Variants in FGF14 observed in about 807,000 individuals in gnomAD.
The protein encoded by FGF14 is fibroblast growth factor homologous factor 4.
A neutral mutation model predicts 25.5 loss-of-function variants in FGF14; 5 were observed. That is an observed-to-expected ratio of 0.20 (90% confidence interval 0.10 to 0.41). FGF14 has a LOEUF of 0.41. Among genes scored for constraint, FGF14 ranks in the 10% least tolerant of loss-of-function variants. FGF14 has a pLI of 1.00. For synonymous variants in FGF14, 138 were observed against 118.3 expected (o/e 1.17, Z -1.08); for missense variants, 222 against 320.1 (o/e 0.69, Z 2.34).
chr13:101,997,763 G>A (rs2039265499), intron 1 of FGF14, among the ~76,000 whole-genome samples: 11 of 152,180 alleles, frequency 7.2e-5, no homozygotes, highest in Admixed American at 5.9e-4. Context: ...TATTTTGGTG[G>A]CAAAATAGTA....
chr13:102,146,057 C>T (rs2140478575), intron 1 of FGF14, among the ~76,000 whole-genome samples: 1 of 152,294 alleles, frequency 6.6e-6, no homozygotes, highest in African/African-American at 2.4e-5. Context: ...GACAATTACC[C>T]AGGAACTTTT....
At chr13:102,191,411 C>T (rs2049118639) in intron 1 of FGF14, among the ~76,000 whole-genome samples, 1 of 151,742 alleles carries the variant, frequency 6.6e-6, no homozygotes, top group South Asian at 2.1e-4. Context: ...TTTGTAAAGC[C>T]TCTTTTTCAG....
chr13:102,314,883 A>G (rs2138710524), intron 1 of FGF14, among the ~76,000 whole-genome samples: 1 of 151,354 alleles, frequency 6.6e-6, no homozygotes, highest in Non-Finnish European at 1.5e-5. Context: ...TCTCACTTCT[A>G]TTAGCTTTGG....
intron 1 of FGF14, among the ~76,000 whole-genome samples, chr13:101,962,746 A>G (rs1437221098): frequency 6.6e-6 from 1 of 152,146 alleles, no homozygotes; most frequent in Non-Finnish European, 1.5e-5. Flanking sequence ...CAACATGTTT[A>G]TTTTTATACA....
chr13:101,770,311 T>C (rs2038692920), intron 3 of FGF14, among the ~76,000 whole-genome samples: 1 of 152,122 alleles, frequency 6.6e-6, no homozygotes, highest in South Asian at 2.1e-4. Flanking sequence ...GTTTGCTATA[T>C]ATTTTTATCT....
intron 3 of FGF14, among the ~76,000 whole-genome samples, chr13:101,860,868 G>C (rs377117592): frequency 2.0e-5 from 3 of 152,054 alleles, no homozygotes; most frequent in Non-Finnish European, 4.4e-5. Context: ...ATTGATGTTT[G>C]TGAACCACTA....
At chr13:101,808,443 A>G (rs2041322259) in intron 3 of FGF14, among the ~76,000 whole-genome samples, 1 of 152,126 alleles carries the variant, frequency 6.6e-6, no homozygotes, top group African/African-American at 2.4e-5. Flanking sequence ...ATTATGCTCA[A>G]TTTTAAAACT....
intron 3 of FGF14, among the ~76,000 whole-genome samples, chr13:101,849,955 C>T (rs1350033230): frequency 6.6e-6 from 1 of 151,808 alleles, no homozygotes; most frequent in Non-Finnish European, 1.5e-5. Context: ...TAGGCCATTC[C>T]AAATTAAACA....
intron 1 of FGF14, among the ~76,000 whole-genome samples, chr13:102,396,446 G>T (rs2058586149): frequency 6.6e-6 from 1 of 152,128 alleles, no homozygotes; most frequent in Admixed American, 6.5e-5. Flanking sequence ...ATTTGAGTGA[G>T]GTATGATGCC....
intron 1 of FGF14, among the ~76,000 whole-genome samples, chr13:102,025,178 A>G (rs1284335687): frequency 2.0e-5 from 3 of 151,804 alleles, no homozygotes; most frequent in Non-Finnish European, 4.4e-5. Flanking sequence ...AGTCCCTTCA[A>G]TGTCCATATA....
chr13:102,336,288 G>A (rs904738194), intron 1 of FGF14, among the ~76,000 whole-genome samples: 3 of 152,252 alleles, frequency 2.0e-5, no homozygotes, highest in Non-Finnish European at 2.9e-5. Context: ...AAGTGAGACC[G>A]CCTTATTGCT....
chr13:102,345,498 T>C (rs1402128760), intron 1 of FGF14, among the ~76,000 whole-genome samples: 1 of 152,254 alleles, frequency 6.6e-6, no homozygotes, highest in Admixed American at 6.5e-5. Context: ...TTCTTTCCTT[T>C]TTCCCTACAA....
chr13:102,011,297 A>C (rs2139802750), intron 1 of FGF14, among the ~76,000 whole-genome samples: 1 of 150,052 alleles, frequency 6.7e-6, no homozygotes, highest in African/African-American at 2.5e-5. Context: ...CAATATATTA[A>C]AAAACTGATC....
At chr13:101,887,602 TGAA>T (rs558063387) in intron 1 of FGF14, among the ~76,000 whole-genome samples, 234 of 151,996 alleles carry the variant, frequency 1.5e-3, no homozygotes, top group African/African-American at 5.5e-3. Context: ...GGGTAAATAA[TGAA>T]GAAAGGTTGT....
At chr13:102,016,278 A>G (rs903029443) in intron 1 of FGF14, among the ~76,000 whole-genome samples, 18 of 152,152 alleles carry the variant, frequency 1.2e-4, no homozygotes, top group Admixed American at 1.2e-3. Flanking sequence ...ATATATGACT[A>G]TATGTATTAT....
chr13:101,780,995 A>G (rs975291468), intron 3 of FGF14, among the ~76,000 whole-genome samples: 1 of 152,006 alleles, frequency 6.6e-6, no homozygotes, highest in Non-Finnish European at 1.5e-5. Context: ...CTCATCAGCC[A>G]CACATGTCCA....
chr13:101,916,789 G>C lies in FGF14; in HGVS notation c.-144C>G, dbSNP rs1183232935. ...CAGGCGGGACTGGGGAGAGGGGAAGGGGGGCTCAGTCCTGACCGGGACCCA... is the reference window on the plus strand; with the variant it reads ...CAGGCGGGACTGGGGAGAGGGGAAGCGGGGCTCAGTCCTGACCGGGACCCA... On this transcript the variant is annotated 5_prime_UTR_variant, in exon 1 of 5. Coordinates refer to ENST00000376143, the MANE Select transcript of FGF14 (RefSeq NM_004115.4). 1.4e-6 allele frequency: 1 copy of C among 719,272 alleles called. No individual in the cohort carries two copies. The highest frequency in any genetic ancestry group is 2.2e-6 in the Non-Finnish European group (1 of 454,212). The allele number at this position is 719,272 out of a possible 1,614,324, so 44.6% of individuals were successfully genotyped here.
chr13:101,884,870 C>CAT (rs1181267668), intron 1 of FGF14, among the ~76,000 whole-genome samples: 1 of 67,908 alleles, frequency 1.5e-5, no homozygotes, highest in Non-Finnish European at 3.2e-5. Flanking sequence ...CACATACATA[C>CAT]ACACACACAC....
Position 101,714,541 on chromosome 13 carries a change from C to T in FGF14, c.*8290G>A. ...GAGACTGCGACAAACATGATGGTCTCATTTGTACAGGTGCAGTATTAACCT... is the reference window on the plus strand; with the variant it reads ...GAGACTGCGACAAACATGATGGTCTTATTTGTACAGGTGCAGTATTAACCT... On this transcript the variant is annotated 3_prime_UTR_variant, in exon 5 of 5. Coordinates refer to ENST00000376143, the MANE Select transcript of FGF14 (RefSeq NM_004115.4). The T allele has an allele frequency of 6.3e-7, 1 of 1,589,210 alleles. No individual in the cohort carries two copies. The highest frequency in any genetic ancestry group is 8.6e-7 in the Non-Finnish European group (1 of 1,157,442).
Sources: allele counts gnomAD v4.1 joint callset (sites outside exome capture counted in the v4.1 genomes callset), GRCh38; gene constraint gnomAD v4.1.1; transcripts MANE v1.5; gene names NCBI Gene and HGNC (gene_info 2026-07-23, HGNC 2026-07-21).